AK5: variants seen among roughly 807,000 people sequenced by gnomAD.
AK5 encodes the protein adenylate kinase isoenzyme 5.
A neutral mutation model predicts 69.5 loss-of-function variants in AK5; 27 were observed. That is an observed-to-expected ratio of 0.39 (90% CI 0.29 to 0.54). AK5 has a LOEUF of 0.54. AK5 is among the 20% of genes least tolerant of loss of function. AK5 has a pLI of 0.71. For synonymous variants in AK5, 260 were observed against 244.4 expected, an observed-to-expected ratio of 1.06 and a Z score of -0.60; for missense variants, 531 against 700.4, an observed-to-expected ratio of 0.76 and a Z score of 2.73.
At chr1:77,419,897 T>C (rs188368175) in intron 8 of AK5, among the ~76,000 whole-genome samples, 149 of 152,296 alleles carry the variant, frequency 9.8e-4, no homozygotes, top group African/African-American at 3.2e-3. Context: ...ACATATCCAG[T>C]CCTGAGCAGG....
At chr1:77,511,204 A>G (rs561914246) in intron 10 of AK5, among the ~76,000 whole-genome samples, 39 of 152,278 alleles carry the variant, frequency 2.6e-4, no homozygotes, top group Non-Finnish European at 4.4e-4. Context: ...CATTTTACAG[A>G]TAATAATTCT....
chr1:77,397,962 G>T (rs139293059), intron 6 of AK5, among the ~76,000 whole-genome samples: 1 of 152,246 alleles, frequency 6.6e-6, no homozygotes, highest in South Asian at 2.1e-4. Context: ...TTTATTAGTG[G>T]TATCTCTCAT....
intron 6 of AK5, among the ~76,000 whole-genome samples, chr1:77,398,909 C>G (rs186547262): frequency 6.6e-6 from 1 of 152,074 alleles, no homozygotes; most frequent in East Asian, 1.9e-4. Flanking sequence ...CTATATGGAT[C>G]TCAAGAGATA....
In AK5 at chr1:77,558,846, C is replaced by A; in HGVS notation, c.*176C>A. On this transcript the variant is annotated 3_prime_UTR_variant, in exon 14 of 14. Transcript: ENST00000354567. ...ACCTGTGTGAGAGGTGTCTGGAAATCATGCATGGTGTATTTGGGACTATAT... is the reference window on the plus strand; with the variant it reads ...ACCTGTGTGAGAGGTGTCTGGAAATAATGCATGGTGTATTTGGGACTATAT... The A allele has an allele frequency of 1.7e-6, 1 of 599,466 alleles. No individual in the cohort carries two copies. The highest frequency in any genetic ancestry group is 3.0e-5 in the Admixed American group (1 of 33,224). The allele number at this position is 599,466 out of a possible 1,614,324, so 37.1% of individuals were successfully genotyped here.
At chr1:77,345,656 A>T (rs1661877723) in intron 6 of AK5, among the ~76,000 whole-genome samples, 1 of 152,220 alleles carries the variant, frequency 6.6e-6, no homozygotes, top group African/African-American at 2.4e-5. Flanking sequence ...CATAGAGAGC[A>T]CAGGCCTGTC....
chr1:77,522,277 A>G (rs1658033381), intron 12 of AK5, among the ~76,000 whole-genome samples: 1 of 152,092 alleles, frequency 6.6e-6, no homozygotes, highest in Non-Finnish European at 1.5e-5. Context: ...GGCTTCATAG[A>G]AAAGTGTTTC....
chr1:77,286,898 G>T, intron 1 of AK5, 43 bp from the exon 2 acceptor site: 1 of 1,245,598 alleles, frequency 8.0e-7, no homozygotes, highest in Non-Finnish European at 1.1e-6. Flanking sequence ...ACAAAGGTGG[G>T]TTTAAAAGAT....
intron 13 of AK5, among the ~76,000 whole-genome samples, chr1:77,556,939 C>A (rs777887152): frequency 6.6e-6 from 1 of 152,068 alleles, no homozygotes; most frequent in African/African-American, 2.4e-5. Flanking sequence ...TACCACCGCC[C>A]GCCCCCCACA....
intron 6 of AK5, among the ~76,000 whole-genome samples, chr1:77,408,384 T>G (rs1329343553): frequency 6.6e-6 from 1 of 152,210 alleles, no homozygotes; most frequent in Non-Finnish European, 1.5e-5. Context: ...TGATGATTAA[T>G]GATGTTGAGC....
At chr1:77,402,621 G>T (rs577213571) in intron 6 of AK5, among the ~76,000 whole-genome samples, 4 of 151,948 alleles carry the variant, frequency 2.6e-5, no homozygotes, top group Admixed American at 6.6e-5. Flanking sequence ...CAAAGGACAC[G>T]AACTCATCAT....
At chr1:77,481,318 C>G (rs775670976) in intron 8 of AK5, among the ~76,000 whole-genome samples, 38 of 152,150 alleles carry the variant, frequency 2.5e-4, no homozygotes. Context: ...TTAGGTGATC[C>G]CTAAACTCCA....
intron 1 of AK5, among the ~76,000 whole-genome samples, chr1:77,284,596 T>G (rs543164504): frequency 2.6e-4 from 40 of 152,380 alleles, no homozygotes; most frequent in South Asian, 4.1e-4. Context: ...ACCCACTTTC[T>G]TATTATTTTG....
intron 8 of AK5, among the ~76,000 whole-genome samples, chr1:77,451,316 A>G (rs899359490): frequency 2.0e-5 from 3 of 152,272 alleles, no homozygotes; most frequent in Non-Finnish European, 4.4e-5. Context: ...TAATAATGTT[A>G]TAATCAGATT....
intron 2 of AK5, 30 bp from the exon 3 acceptor site, chr1:77,293,763 C>T (rs890931330): frequency 6.4e-7 from 1 of 1,553,828 alleles, no homozygotes. Context: ...GGTGTTTTTT[C>T]CTTTTCAAAG....
intron 8 of AK5, among the ~76,000 whole-genome samples, chr1:77,461,033 A>T (rs942269729): frequency 0.011 from 1,541 of 135,252 alleles, 28 homozygotes; most frequent in African/African-American, 0.04. Context: ...TGTATGTGAA[A>T]TTTTTTTTTT....
chr1:77,354,894 T>C (rs1662410828), intron 6 of AK5, among the ~76,000 whole-genome samples: 1 of 152,246 alleles, frequency 6.6e-6, no homozygotes, highest in African/African-American at 2.4e-5. Flanking sequence ...ATCTTGTATC[T>C]TACCTGAAAG....
At chr1:77,385,849 G>C (rs972165058) in intron 6 of AK5, among the ~76,000 whole-genome samples, 12 of 152,106 alleles carry the variant, frequency 7.9e-5, no homozygotes, top group African/African-American at 2.7e-4. Context: ...AACCATAGGA[G>C]GTGAAAAGTG....
chr1:77,307,006 C>A (rs1458179374), intron 5 of AK5, among the ~76,000 whole-genome samples: 3 of 151,946 alleles, frequency 2.0e-5, no homozygotes, highest in African/African-American at 7.2e-5. Flanking sequence ...CTAAAAGCTG[C>A]AAATATTTTC....
At chr1:77,448,759 G>A (rs1310642802) in intron 8 of AK5, among the ~76,000 whole-genome samples, 1 of 152,124 alleles carries the variant, frequency 6.6e-6, no homozygotes, top group Non-Finnish European at 1.5e-5. Flanking sequence ...TGGCCCTCTG[G>A]GGAACCCAGA....
Sources: allele counts gnomAD v4.1 joint callset (sites outside exome capture counted in the v4.1 genomes callset), GRCh38; gene constraint gnomAD v4.1.1; transcripts MANE v1.5; gene names NCBI Gene and HGNC (gene_info 2026-07-23, HGNC 2026-07-21).